Variants in FBXO11 observed in about 807,000 individuals in gnomAD.
The protein encoded by FBXO11 is F-box only protein 11.
In FBXO11, 13 loss-of-function variants were observed where a neutral mutation model predicts 117.0. The ratio of observed to expected loss-of-function variants is 0.11; its 90% CI spans 0.07 to 0.18. The LOEUF is 0.18. Ranked by LOEUF, FBXO11 falls within the 10% of genes least tolerant of loss-of-function variation. The pLI, the probability that FBXO11 is intolerant of heterozygous loss-of-function variation, is 1.00. For synonymous variants in FBXO11, 490 were observed against 380.5 expected (o/e 1.29, Z -3.35); for missense variants, 767 against 1,164.4 (o/e 0.66, Z 4.97).
intron 1 of FBXO11, among the ~76,000 whole-genome samples, chr2:47,842,041 A>T (rs1407308121): frequency 2.0e-5 from 3 of 147,304 alleles, no homozygotes; most frequent in Admixed American, 1.4e-4. Context: ...TTTGAGACAG[A>T]GTCTCGCCCT....
intron 11 of FBXO11, among the ~76,000 whole-genome samples, chr2:47,831,790 G>A (rs1672211748): frequency 6.6e-6 from 1 of 152,140 alleles, no homozygotes; most frequent in Non-Finnish European, 1.5e-5. Context: ...CCATAAGGAT[G>A]CCTAATATTA....
chr2:47,873,907 C>G (rs1031307461), intron 1 of FBXO11, among the ~76,000 whole-genome samples: 8 of 151,916 alleles, frequency 5.3e-5, no homozygotes, highest in Non-Finnish European at 8.8e-5. Context: ...GGGCAGCTGG[C>G]TTTTTTTTAA....
chr2:47,853,360 G>A (rs368807966), intron 1 of FBXO11, among the ~76,000 whole-genome samples: 32 of 152,122 alleles, frequency 2.1e-4, no homozygotes, highest in African/African-American at 4.8e-4. Context: ...ATGAGCCACC[G>A]TGCCTGGCCC....
chr2:47,859,810 A>G (rs1223869715), intron 1 of FBXO11, among the ~76,000 whole-genome samples: 3 of 152,226 alleles, frequency 2.0e-5, no homozygotes, highest in African/African-American at 7.2e-5. Context: ...ATATTATAAG[A>G]TAATCATTAG....
chr2:47,905,309 T>G, intron 1 of FBXO11, 180 bp downstream of exon 1: 1 of 532,836 alleles, frequency 1.9e-6, no homozygotes, highest in Non-Finnish European at 2.6e-6. Context: ...CGGCTTTTCC[T>G]GCCGGCCGGG....
rs1466543979 is a variant in FBXO11 at position 47,818,826 on chromosome 2, T to C, written c.1959A>G (p.Leu653=). Residue 653 remains leucine (L), a synonymous_variant, in exon 16 of 23, where the codon CTA becomes CTG. Transcript: ENST00000403359. ...TATGATTATAGATATCATTGTCTTC[T>C]AGCACTCCATGTCCATTGTCATAAA... ...VYFYDNGHGV[L]EDNDIYNHMY... 6.3e-7 allele frequency: 1 copy of C among 1,589,492 alleles called. No homozygotes were observed.
intron 1 of FBXO11, among the ~76,000 whole-genome samples, chr2:47,888,029 C>G (rs1019076712): frequency 6.6e-6 from 1 of 151,808 alleles, no homozygotes; most frequent in Non-Finnish European, 1.5e-5. Flanking sequence ...AAAAAAAATC[C>G]CTAAAAAATG....
rs554433890 is a variant in FBXO11 at position 47,828,923 on chromosome 2, T to A, written c.1398+3426A>T. 9.2e-5 allele frequency among the ~76,000 whole-genome samples: 14 copies of A among 152,326 alleles called. No individual in the cohort carries two copies. The East Asian group carries it at 2.3e-3, about 25-fold the overall frequency. ...GGCATGAATATGCCATGAATTTTTT[T>A]ATTTTTTTGACAGAGTCTCACTCCT... On this transcript the variant is annotated intron_variant, in intron 11 of 22. Coordinates refer to ENST00000403359, the MANE Select transcript of FBXO11 (RefSeq NM_001190274.2).
intron 1 of FBXO11, among the ~76,000 whole-genome samples, chr2:47,881,879 C>G (rs1388253123): frequency 6.6e-6 from 1 of 152,142 alleles, no homozygotes; most frequent in Non-Finnish European, 1.5e-5. Flanking sequence ...TCCCAAGTAG[C>G]TGGGACTACA....
chr2:47,833,354 A>G (rs1040967675), intron 7 of FBXO11, among the ~76,000 whole-genome samples: 2 of 152,214 alleles, frequency 1.3e-5, no homozygotes, highest in African/African-American at 4.8e-5. Flanking sequence ...TGTGGAAACC[A>G]TTCTGTTTCC....
intron 4 of FBXO11, 129 bp from the exon 5 acceptor site, chr2:47,836,130 A>G (rs959733302): frequency 7.1e-6 from 4 of 567,014 alleles, no homozygotes; most frequent in Admixed American, 3.5e-5. Context: ...ACAAAAATGA[A>G]TATTAAATCA....
intron 18 of FBXO11, among the ~76,000 whole-genome samples, chr2:47,811,990 T>G (rs1400142857): frequency 6.6e-6 from 1 of 152,040 alleles, no homozygotes; most frequent in Non-Finnish European, 1.5e-5. Flanking sequence ...CATTTTAGTT[T>G]AGGCTCTCAT....
At chr2:47,900,615 TATACACAC>T (rs1477306438) in intron 1 of FBXO11, among the ~76,000 whole-genome samples, 1 of 74,360 alleles carries the variant, frequency 1.3e-5, no homozygotes, top group East Asian at 4.2e-4. Context: ...TACACACGTA[TATACACAC>T]GTATACACAC....
intron 7 of FBXO11, among the ~76,000 whole-genome samples, chr2:47,834,168 G>A (rs931972866): frequency 2.0e-5 from 3 of 152,064 alleles, no homozygotes; most frequent in Non-Finnish European, 4.4e-5. Context: ...TGGCCAACAT[G>A]GCGAAACCCT....
At chr2:47,891,591 A>G (rs1677261944) in intron 1 of FBXO11, among the ~76,000 whole-genome samples, 1 of 152,210 alleles carries the variant, frequency 6.6e-6, no homozygotes, top group African/African-American at 2.4e-5. Flanking sequence ...TGGGAGTGCT[A>G]GTATTTCTTC....
intron 1 of FBXO11, among the ~76,000 whole-genome samples, chr2:47,888,270 T>C (rs541710885): frequency 5.9e-5 from 9 of 152,310 alleles, no homozygotes; most frequent in African/African-American, 2.2e-4. Flanking sequence ...GGTAACATTA[T>C]CATTACTGAC....
chr2:47,846,532 T>C (rs17036999), intron 1 of FBXO11, among the ~76,000 whole-genome samples: 3,539 of 152,252 alleles, frequency 0.023, 153 homozygotes, highest in African/African-American at 0.081. Context: ...ATGCCAATGA[T>C]TGTCAAGTTG....
Position 47,902,883 on chromosome 2 carries a change from C to T in FBXO11, c.232+2606G>A, listed in dbSNP as rs188160634. Among the ~76,000 whole-genome samples the T allele has an allele frequency of 2.0e-3, 307 of 150,312 alleles. 2 individuals carry two copies. Among genetic ancestry groups the T allele is most frequent in the African/African-American group, 7.0e-3 (288 of 40,870 alleles). On this transcript the variant is annotated intron_variant, in intron 1 of 22. Coordinates refer to ENST00000403359, the MANE Select transcript of FBXO11 (RefSeq NM_001190274.2). ...AGTAACTCTATCCAAGATCCTAATG[C>T]AAATGTTACATATCCATTAAGAGTT...
chr2:47,884,828 CA>C (rs145212664), intron 1 of FBXO11, among the ~76,000 whole-genome samples: 8,154 of 152,212 alleles, frequency 0.054, 228 homozygotes, highest in Non-Finnish European at 0.068. Context: ...CTAAGGTTGC[CA>C]ATTACTAACT....
Sources: allele counts gnomAD v4.1 joint callset (sites outside exome capture counted in the v4.1 genomes callset), GRCh38; gene constraint gnomAD v4.1.1; transcripts MANE v1.5; gene names NCBI Gene and HGNC (gene_info 2026-07-23, HGNC 2026-07-21).